Variants in SYT14 observed in about 807,000 individuals in gnomAD.
The protein encoded by SYT14 is synaptotagmin-14.
In SYT14, 32 loss-of-function variants were observed where a neutral mutation model predicts 74.2. The observed-to-expected ratio is 0.43, with a 90% CI of 0.33 to 0.58. SYT14 has a LOEUF of 0.58. Ranked by LOEUF, SYT14 falls within the 20% of genes least tolerant of loss-of-function variation. SYT14 has a pLI of 0.05. For missense variants in SYT14, 791 were observed against 981.8 expected (o/e 0.81, Z 2.60); for synonymous variants, 298 against 337.7 (o/e 0.88, Z 1.29).
At chr1:210,137,003 G>C (rs1457897201) in intron 7 of SYT14, among the ~76,000 whole-genome samples, 3 of 152,194 alleles carry the variant, frequency 2.0e-5, no homozygotes, top group Admixed American at 2.0e-4. Context: ...AGAGGGAGAA[G>C]ATGGTACAGT....
intron 5 of SYT14, among the ~76,000 whole-genome samples, chr1:210,058,794 G>A (rs1291538334): frequency 6.6e-6 from 1 of 152,160 alleles, no homozygotes; most frequent in Non-Finnish European, 1.5e-5. Context: ...ACACATCAGA[G>A]TAATTAGAGG....
intron 2 of SYT14, among the ~76,000 whole-genome samples, chr1:209,959,733 G>T (rs1475819213): frequency 2.6e-5 from 4 of 152,174 alleles, no homozygotes; most frequent in African/African-American, 9.7e-5. Flanking sequence ...CAAATCTATA[G>T]AGACAGAACA....
At chr1:209,970,087 T>C (rs2079222932) in intron 2 of SYT14, among the ~76,000 whole-genome samples, 1 of 152,190 alleles carries the variant, frequency 6.6e-6, no homozygotes, top group Admixed American at 6.5e-5. Context: ...CATTTGTCTA[T>C]TTTTGTTTTT....
intron 4 of SYT14, 23 bp from the exon 4 acceptor site, chr1:210,021,016 G>T (rs186805867): frequency 6.2e-7 from 1 of 1,608,582 alleles, no homozygotes; most frequent in African/African-American, 1.3e-5. Flanking sequence ...ATTACCGTTT[G>T]TTCTTCATGT....
rs181718623 is a variant in SYT14 at position 209,945,177 on chromosome 1, A to G, written c.-534+6900A>G. On this transcript the variant is annotated intron_variant, in intron 1 of 9. Coordinates refer to ENST00000637265, the Ensembl canonical transcript of SYT14. ...CATCAGAATTAGTATACAAGATGAA[A>G]GCTATTTTCTGTCCTGAGGTTATTA... is the stretch of plus-strand genomic sequence containing the variant. 2.0e-5 allele frequency among the ~76,000 whole-genome samples: 3 copies of G among 152,268 alleles called. No individual in the cohort carries two copies. In the East Asian group the frequency reaches 5.8e-4, roughly 29 times the overall value.
chr1:210,034,844 G>C (rs1409260014), intron 5 of SYT14, among the ~76,000 whole-genome samples: 1 of 151,656 alleles, frequency 6.6e-6, no homozygotes, highest in South Asian at 2.1e-4. Flanking sequence ...CCTGGTATGT[G>C]TAAACCACAT....
rs574477341 is a variant in SYT14 at position 210,112,691 on chromosome 1, C to T, written c.2034+12230C>T. Among the ~76,000 whole-genome samples the T allele has an allele frequency of 2.3e-3, 350 of 151,422 alleles. 27 individuals are homozygous for T. Among genetic ancestry groups the T allele is most frequent in the African/African-American group, 8.1e-3 (332 of 40,744 alleles). On this transcript the variant is annotated intron_variant, in intron 7 of 9. Coordinates refer to ENST00000637265, the Ensembl canonical transcript of SYT14. ...TTTTGATGGCCCTTGCAGTGAATGA[C>T]TCCAGCTTCCTTTGGAAGTAAAGCA... is the stretch of plus-strand genomic sequence containing the variant.
chr1:210,081,378 C>T (rs1352109499), intron 5 of SYT14, among the ~76,000 whole-genome samples: 1 of 152,124 alleles, frequency 6.6e-6, no homozygotes, highest in Non-Finnish European at 1.5e-5. Flanking sequence ...AGGTGCAGTT[C>T]CAAACTGTTG....
At chr1:210,171,309 C>A (rs528696738) in exon 10 of SYT14, 1 of 152,168 alleles carries the variant, frequency 6.6e-6, no homozygotes. Context: ...GTTGCTGCAT[C>A]ATCTAATCTC....
chr1:210,038,443 T>C (rs1331788128), intron 5 of SYT14, among the ~76,000 whole-genome samples: 1 of 152,104 alleles, frequency 6.6e-6, no homozygotes, highest in Non-Finnish European at 1.5e-5. Flanking sequence ...ATATGTAGGG[T>C]TTCTTCTTGT....
chr1:210,007,133 T>G (rs2080004451), intron 2 of SYT14, among the ~76,000 whole-genome samples: 1 of 151,916 alleles, frequency 6.6e-6, no homozygotes, highest in South Asian at 2.1e-4. Context: ...AAAAAATTGG[T>G]ATTTTTTAAG....
chr1:210,072,015 G>T (rs1198962386), intron 5 of SYT14, among the ~76,000 whole-genome samples: 1 of 151,598 alleles, frequency 6.6e-6, no homozygotes, highest in Non-Finnish European at 1.5e-5. Context: ...ATCACAGATT[G>T]TCATATTGGC....
intron 7 of SYT14, among the ~76,000 whole-genome samples, chr1:210,136,926 G>T (rs927617448): frequency 1.3e-5 from 2 of 152,158 alleles, no homozygotes; most frequent in African/African-American, 4.8e-5. Context: ...GGGAATCTGT[G>T]AGCCAGGTGG....
At chr1:209,981,291 G>A (rs1349600799) in intron 2 of SYT14, among the ~76,000 whole-genome samples, 1 of 152,024 alleles carries the variant, frequency 6.6e-6, no homozygotes, top group Non-Finnish European at 1.5e-5. Flanking sequence ...TTCCATTAAG[G>A]ATCTCTTGTA....
intron 2 of SYT14, among the ~76,000 whole-genome samples, chr1:209,980,521 C>T (rs575043246): frequency 1.6e-4 from 25 of 152,218 alleles, no homozygotes; most frequent in Admixed American, 3.3e-4. Flanking sequence ...AAGTCTTTGC[C>T]GGTGCCTATA....
intron 2 of SYT14, among the ~76,000 whole-genome samples, chr1:209,961,286 T>C (rs1040426): frequency 0.05 from 7,613 of 152,202 alleles, 1,026 homozygotes; most frequent in East Asian, 0.41. Context: ...TTCTGACTTT[T>C]TGGGGGCTGG....
At chr1:209,966,992 A>G (rs2079167223) in intron 2 of SYT14, among the ~76,000 whole-genome samples, 1 of 151,452 alleles carries the variant, frequency 6.6e-6, no homozygotes, top group Non-Finnish European at 1.5e-5. Context: ...CTGGGTGAGG[A>G]ACTCCCTTTT....
At chr1:210,125,073 T>C (rs1264036575) in intron 7 of SYT14, among the ~76,000 whole-genome samples, 2 of 152,146 alleles carry the variant, frequency 1.3e-5, no homozygotes, top group African/African-American at 4.8e-5. Context: ...TTTTTCTTTT[T>C]TTTTTTAGAT....
chr1:210,135,900 T>C (rs1045428944), intron 7 of SYT14, among the ~76,000 whole-genome samples: 2 of 152,244 alleles, frequency 1.3e-5, no homozygotes, highest in African/African-American at 4.8e-5. Flanking sequence ...TTCTACACTT[T>C]GTTCAGAATG....
Sources: allele counts gnomAD v4.1 joint callset (sites outside exome capture counted in the v4.1 genomes callset), GRCh38; gene constraint gnomAD v4.1.1; transcripts MANE v1.5; gene names NCBI Gene and HGNC (gene_info 2026-07-23, HGNC 2026-07-21).